The following DOCK3 variants were observed in gnomAD, a reference collection of about 807,000 sequenced individuals.
DOCK3 encodes dedicator of cytokinesis protein 3.
In DOCK3, 60 loss-of-function variants were observed where a neutral mutation model predicts 265.6. That is an observed-to-expected ratio of 0.23 (90% CI 0.18 to 0.28). The LOEUF (loss-of-function observed/expected upper bound fraction) is 0.28, where lower values mean the gene tolerates loss of function less well. DOCK3 is among the 10% of genes least tolerant of loss of function. DOCK3 has a pLI of 1.00. For missense variants in DOCK3, 1,981 were observed against 2,594.3 expected (o/e 0.76, Z 5.14); for synonymous variants, 881 against 938.0 (o/e 0.94, Z 1.11).
At chr3:51,152,345 G>T (rs1030749241) in intron 10 of DOCK3, among the ~76,000 whole-genome samples, 1 of 152,098 alleles carries the variant, frequency 6.6e-6, no homozygotes, top group Admixed American at 6.5e-5. Context: ...AGCTCCATCA[G>T]GTCATTTAAG....
chr3:50,860,629 G>A (rs2046864199), intron 3 of DOCK3, among the ~76,000 whole-genome samples: 1 of 152,192 alleles, frequency 6.6e-6, no homozygotes, highest in Admixed American at 6.5e-5. Context: ...TTTTGGTAGA[G>A]CAGATGTGCT....
chr3:51,292,381 C>A (rs1560370073), intron 27 of DOCK3, among the ~76,000 whole-genome samples: 1 of 152,058 alleles, frequency 6.6e-6, no homozygotes, highest in Non-Finnish European at 1.5e-5. Flanking sequence ...ACAAAAAAAA[C>A]CTGTTAGAAC....
intron 2 of DOCK3, among the ~76,000 whole-genome samples, chr3:50,793,597 A>G (rs1198263863): frequency 1.3e-5 from 2 of 151,926 alleles, no homozygotes; most frequent in East Asian, 3.9e-4. Flanking sequence ...ATCTCACGTG[A>G]TCCACCTGCC....
chr3:51,325,160 A>G (rs1560438563), intron 32 of DOCK3, among the ~76,000 whole-genome samples: 2 of 152,164 alleles, frequency 1.3e-5, no homozygotes, highest in Non-Finnish European at 2.9e-5. Context: ...AATTTTTGCA[A>G]TCTATCCATC....
chr3:50,704,422 T>C (rs559607337), intron 1 of DOCK3, among the ~76,000 whole-genome samples: 1 of 152,332 alleles, frequency 6.6e-6, no homozygotes, highest in South Asian at 2.1e-4. Flanking sequence ...AGTTCTATTA[T>C]TTGCTTTATG....
At chr3:51,188,213 G>A (rs4244698) in intron 12 of DOCK3, among the ~76,000 whole-genome samples, 1 of 152,232 alleles carries the variant, frequency 6.6e-6, no homozygotes, top group Non-Finnish European at 1.5e-5. Flanking sequence ...ACATTAGTAC[G>A]AAGTGGAAAG....
intron 12 of DOCK3, among the ~76,000 whole-genome samples, chr3:51,205,055 T>C (rs895647416): frequency 3.3e-5 from 5 of 152,086 alleles, no homozygotes; most frequent in African/African-American, 1.2e-4. Context: ...TTGGGAGATA[T>C]ACCTAATGCT....
At chr3:51,078,347 A>G (rs1416409441) in intron 7 of DOCK3, among the ~76,000 whole-genome samples, 1 of 152,226 alleles carries the variant, frequency 6.6e-6, no homozygotes. Context: ...GAAAACGTTT[A>G]AAAGTTTAGA....
chr3:51,038,642 G>T (rs1017508182), intron 5 of DOCK3, among the ~76,000 whole-genome samples: 1 of 152,186 alleles, frequency 6.6e-6, no homozygotes, highest in African/African-American at 2.4e-5. Flanking sequence ...GTTTCTCACT[G>T]TATAGTGATA....
At chr3:50,928,149 AT>A (rs1559826228) in intron 4 of DOCK3, among the ~76,000 whole-genome samples, 166 of 148,998 alleles carry the variant, frequency 1.1e-3, no homozygotes, top group African/African-American at 3.2e-3. Context: ...ATATATATAT[AT>A]ATATAATAAA....
intron 5 of DOCK3, among the ~76,000 whole-genome samples, chr3:51,031,589 A>G (rs1399812552): frequency 6.6e-6 from 1 of 152,152 alleles, no homozygotes; most frequent in East Asian, 1.9e-4. Flanking sequence ...AACCAGCAAT[A>G]ATGTTCTTAG....
At chr3:50,933,348 A>C (rs1297513259) in intron 4 of DOCK3, among the ~76,000 whole-genome samples, 1 of 152,200 alleles carries the variant, frequency 6.6e-6, no homozygotes, top group Admixed American at 6.5e-5. Context: ...AATTTTTGAC[A>C]GTTAGCACAG....
At chr3:51,260,592 G>T (rs762777102) in intron 23 of DOCK3, among the ~76,000 whole-genome samples, 1 of 152,186 alleles carries the variant, frequency 6.6e-6, no homozygotes, top group Non-Finnish European at 1.5e-5. Context: ...TTTAGACCAA[G>T]TTTATTTAGC....
At chr3:51,031,286 G>C (rs1374458359) in intron 5 of DOCK3, among the ~76,000 whole-genome samples, 1 of 152,218 alleles carries the variant, frequency 6.6e-6, no homozygotes, top group South Asian at 2.1e-4. Context: ...AGAAAGGTGA[G>C]TACAAGATCA....
chr3:51,368,840 C>T (rs914757194), intron 49 of DOCK3, among the ~76,000 whole-genome samples: 1 of 152,180 alleles, frequency 6.6e-6, no homozygotes, highest in African/African-American at 2.4e-5. Context: ...TGGCAGGGTG[C>T]CCCTCTGAGA....
intron 4 of DOCK3, among the ~76,000 whole-genome samples, chr3:50,915,343 G>A (rs1485453033): frequency 6.6e-6 from 1 of 151,976 alleles, no homozygotes; most frequent in Non-Finnish European, 1.5e-5. Flanking sequence ...GAATGTACCT[G>A]CCCCTGTAGA....
At chr3:50,960,810 T>C (rs898839944) in intron 5 of DOCK3, among the ~76,000 whole-genome samples, 1 of 152,178 alleles carries the variant, frequency 6.6e-6, no homozygotes, top group Non-Finnish European at 1.5e-5. Flanking sequence ...TAATAATAGC[T>C]TTTATATTTA....
intron 3 of DOCK3, among the ~76,000 whole-genome samples, chr3:50,867,047 T>G (rs1183330205): frequency 6.6e-6 from 1 of 152,200 alleles, no homozygotes; most frequent in African/African-American, 2.4e-5. Context: ...TTAACAGCAT[T>G]GATTCATCCA....
Position 50,909,641 on chromosome 3 carries a change from G to GTT in DOCK3, c.218+19578_218+19579dup, listed in dbSNP as rs71633043. Reference sequence around the variant, plus strand: ...TCTTTTTTCTCTGGCTACCCTTAACGTTTTTTTTTTTTTTTTTTTCATTTT... The same window carrying GTT: ...TCTTTTTTCTCTGGCTACCCTTAACGTTTTTTTTTTTTTTTTTTTTTCATTTT... On this transcript the variant is annotated intron_variant, in intron 4 of 52. Coordinates refer to ENST00000266037, the MANE Select transcript of DOCK3 (RefSeq NM_004947.5). Among the ~76,000 whole-genome samples the GTT allele has an allele frequency of 1.3e-3, 128 of 98,654 alleles. 1 individual carries two copies. Among genetic ancestry groups the GTT allele is most frequent in the Middle Eastern group, 6.3e-3 (1 of 158 alleles). 64.7% of individuals were successfully genotyped at this position (98,654 alleles called of 152,430 possible). A position where few individuals can be genotyped will look rare whatever the true frequency, so the allele number is the denominator to read the frequency against.
Sources: gnomAD v4.1 joint callset for allele counts (sites outside exome capture counted in the v4.1 genomes callset) on GRCh38, gnomAD v4.1.1 for gene constraint, MANE v1.5 for transcripts, NCBI Gene and HGNC (gene_info 2026-07-23, HGNC 2026-07-21) for gene names.